DNAH3: variants seen among roughly 807,000 people sequenced by gnomAD.
DNAH3 encodes the protein axonemal beta dynein heavy chain 3.
In DNAH3, 332 loss-of-function variants were observed where a neutral mutation model predicts 432.5. The ratio of observed to expected loss-of-function variants is 0.77; its 90% CI spans 0.70 to 0.84. The LOEUF is 0.84. Ranked by LOEUF, DNAH3 falls within the 40% of genes least tolerant of loss-of-function variation. The pLI is 0.00. For missense variants in DNAH3, 4,861 were observed against 5,114.0 expected (o/e 0.95, Z 1.51); for synonymous variants, 1,956 against 1,900.2 (o/e 1.03, Z -0.76).
chr16:20,982,791 T>C (rs2085972480), exon 49 of DNAH3: 2 of 1,614,196 alleles, frequency 1.2e-6, no homozygotes. Flanking sequence ...AGGGCATCTG[T>C]GGGCCAGGAC....
At chr16:21,031,358 A>G in intron 36 of DNAH3, 72 bp from the exon 37 acceptor site, 1 of 1,569,398 alleles carries the variant, frequency 6.4e-7, no homozygotes, top group East Asian at 2.3e-5. Flanking sequence ...AGATGATGTC[A>G]TCTCAACAAC....
chr16:21,122,852 A>G (rs917672849), intron 9 of DNAH3, among the ~76,000 whole-genome samples: 1 of 151,430 alleles, frequency 6.6e-6, no homozygotes, highest in East Asian at 1.9e-4. Context: ...AGGTCTCACT[A>G]TGTTGCCCAG....
intron 58 of DNAH3, among the ~76,000 whole-genome samples, chr16:20,942,133 G>A (rs1252558012): frequency 1.3e-5 from 2 of 151,880 alleles, no homozygotes; most frequent in Non-Finnish European, 2.9e-5. Flanking sequence ...GCCAGGAAGG[G>A]AACTCTTGCT....
chr16:21,012,437 G>T (rs1482352718), intron 41 of DNAH3, among the ~76,000 whole-genome samples: 1 of 152,082 alleles, frequency 6.6e-6, no homozygotes, highest in Non-Finnish European at 1.5e-5. Context: ...TAAAGAAGAA[G>T]AAATTTAAAT....
At chr16:21,142,024 T>C (rs1407059398) in intron 3 of DNAH3, among the ~76,000 whole-genome samples, 1 of 150,724 alleles carries the variant, frequency 6.6e-6, no homozygotes, top group Non-Finnish European at 1.5e-5. Context: ...CTGCACTCCA[T>C]ACTGGGCGAC....
chr16:21,125,382 G>A lies in DNAH3; in HGVS notation c.1209-12C>T. Reference sequence around the variant, plus strand: ...AGGTGGGGATCCACCTGTAAAGACAGAAGGGTGTCCATGTGAGAAGCTCTT... The same window carrying A: ...AGGTGGGGATCCACCTGTAAAGACAAAAGGGTGTCCATGTGAGAAGCTCTT... On this transcript the variant is annotated splice_polypyrimidine_tract_variant and intron_variant, in intron 8 of 61. Transcript: ENST00000261383. 1 of 1,574,904 alleles carries A rather than the reference G, an allele frequency of 6.3e-7. No individual in the cohort carries two copies. The highest frequency in any genetic ancestry group is 8.6e-7 in the Non-Finnish European group (1 of 1,157,838).
intron 18 of DNAH3, among the ~76,000 whole-genome samples, chr16:21,096,052 G>C (rs757329542): frequency 2.0e-5 from 3 of 152,034 alleles, no homozygotes; most frequent in Non-Finnish European, 4.4e-5. Flanking sequence ...TTACAGGTAT[G>C]AGCCACCATG....
rs745907520 is a variant in DNAH3, at chr16:20,941,452, T to C, written c.11603A>G (p.Tyr3868Cys). The C allele has an allele frequency of 1.1e-5, 17 of 1,614,046 alleles. No individual in the cohort carries two copies. Among genetic ancestry groups the C allele is most frequent in the East Asian group, 2.2e-5 (1 of 44,896 alleles). Residue 3868 changes from tyrosine (Y) to cysteine (C), a missense_variant, in exon 59 of 62, where the codon TAT becomes TGT. Transcript: ENST00000261383. ...TAGGACGGTATTCATGGATTCTTCA[T>C]AGACCACGGGGTACAACTTCATGAC...
intron 48 of DNAH3, 106 bp downstream of exon 48, chr16:20,984,943 C>T: frequency 9.8e-7 from 1 of 1,015,826 alleles, no homozygotes; most frequent in Non-Finnish European, 1.4e-6. Context: ...GGTGCGTTGG[C>T]TGAATCAACC....
chr16:21,120,779 C>A lies in DNAH3; in HGVS notation c.1660G>T (p.Gly554Ter). Residue 554 changes from glycine to a stop codon, truncating the protein, a stop_gained, in exon 11 of 62, where the codon GGA becomes TGA. Coordinates refer to ENST00000261383, the Ensembl canonical transcript of DNAH3. LOFTEE classifies it high-confidence loss of function. The stretch of plus-strand genomic sequence containing the variant: ...GCAGCCGCGTGCATGCTGGGCTCTC[C>A]TGGCTCAGCTGCTTTCACACATTGC... 1 of 1,614,172 alleles carries A rather than the reference C, an allele frequency of 6.2e-7. No homozygotes were observed. Among genetic ancestry groups the A allele is most frequent in the Non-Finnish European group, 8.5e-7 (1 of 1,180,022 alleles).
chr16:21,052,833 G>A (rs972720301), intron 28 of DNAH3, among the ~76,000 whole-genome samples: 1 of 152,152 alleles, frequency 6.6e-6, no homozygotes, highest in African/African-American at 2.4e-5. Context: ...GATATCCTAG[G>A]AGAATGCAAT....
At chr16:21,067,196 TGA>T (rs2090583513) in intron 24 of DNAH3, 85 bp downstream of exon 24, 9 of 1,503,584 alleles carry the variant, frequency 6.0e-6, no homozygotes, top group Non-Finnish European at 8.3e-6. Flanking sequence ...CTAGATTGGT[TGA>T]AGCCAACTCT....
chr16:21,058,803 C>T (rs966521244), intron 26 of DNAH3, among the ~76,000 whole-genome samples: 3 of 151,792 alleles, frequency 2.0e-5, no homozygotes, highest in South Asian at 2.1e-4. Flanking sequence ...CACATGGACA[C>T]AAGGAGGAGA....
intron 19 of DNAH3, among the ~76,000 whole-genome samples, 165 bp from the exon 20 acceptor site, chr16:21,081,892 A>G (rs530688082): frequency 6.6e-6 from 1 of 152,136 alleles, no homozygotes; most frequent in South Asian, 2.1e-4. Flanking sequence ...GTGACTGAGG[A>G]ATTTATTTTT....
intron 43 of DNAH3, among the ~76,000 whole-genome samples, chr16:20,998,373 C>T (rs1014140335): frequency 6.6e-6 from 1 of 152,148 alleles, no homozygotes; most frequent in African/African-American, 2.4e-5. Flanking sequence ...CCTGCCTCAG[C>T]CTCCAAGTAG....
At chr16:20,983,201 C>T (rs2152665076) in intron 48 of DNAH3, among the ~76,000 whole-genome samples, 1 of 152,354 alleles carries the variant, frequency 6.6e-6, no homozygotes, top group East Asian at 1.9e-4. Flanking sequence ...TCTCGGCTCA[C>T]TGCAACCTCC....
rs149527797 is a variant in DNAH3 at position 21,061,973 on chromosome 16, C to T, written c.3720+509G>A. 2.9e-3 allele frequency among the ~76,000 whole-genome samples: 448 copies of T among 152,314 alleles called. 3 individuals carry two copies. Among genetic ancestry groups the T allele is most frequent in the Non-Finnish European group, 4.3e-3 (293 of 68,028 alleles). ...AGTCAACAAAGCAAGGCTCAGCTTGCTTGTCTATTTCCACTTGAGGGTGCT... is the reference window on the plus strand; with the variant it reads ...AGTCAACAAAGCAAGGCTCAGCTTGTTTGTCTATTTCCACTTGAGGGTGCT... On this transcript the variant is annotated intron_variant, in intron 25 of 61. Coordinates refer to ENST00000261383, the Ensembl canonical transcript of DNAH3.
At chr16:21,144,663 A>G (rs1002909281) in intron 3 of DNAH3, among the ~76,000 whole-genome samples, 5 of 152,230 alleles carry the variant, frequency 3.3e-5, no homozygotes, top group Admixed American at 1.3e-4. Context: ...TGCAAACAAT[A>G]ACACAAGTAC....
At chr16:21,124,071 C>T (rs1428180435) in intron 9 of DNAH3, among the ~76,000 whole-genome samples, 2 of 152,140 alleles carry the variant, frequency 1.3e-5, no homozygotes, top group Non-Finnish European at 2.9e-5. Context: ...GGATTACAGG[C>T]GTGAGCCACC....
Sources: allele counts gnomAD v4.1 joint callset (sites outside exome capture counted in the v4.1 genomes callset), GRCh38; gene constraint gnomAD v4.1.1; transcripts MANE v1.5; gene names NCBI Gene and HGNC (gene_info 2026-07-23, HGNC 2026-07-21).